Variants in SEPTIN7 observed in about 807,000 individuals in gnomAD.
SEPTIN7 encodes the protein septin 7.
In SEPTIN7, 10 loss-of-function variants were observed where a neutral mutation model predicts 63.3. The ratio of observed to expected loss-of-function variants is 0.16; its 90% CI spans 0.10 to 0.27. The LOEUF is 0.27. Among genes scored for constraint, SEPTIN7 ranks in the 10% least tolerant of loss-of-function variants. SEPTIN7 has a pLI of 1.00. For missense variants in SEPTIN7, 310 were observed against 521.0 expected (o/e 0.59, Z 3.94); for synonymous variants, 131 against 165.3 (o/e 0.79, Z 1.59).
rs994512115 is a variant in SEPTIN7, at chr7:35,829,724, G to A, written c.62-1768G>A. Among the ~76,000 whole-genome samples the A allele has an allele frequency of 3.3e-5, 5 of 152,228 alleles. No homozygotes were observed. In the East Asian group the frequency reaches 5.8e-4, roughly 18 times the overall value. The stretch of plus-strand genomic sequence containing the variant: ...TCTGCGTTGATGGAGCTTACATTGC[G>A]GGCAGGGTGGAGGTCACAGTAAACA... On this transcript the variant is annotated intron_variant, in intron 1 of 13. Coordinates refer to ENST00000350320, the MANE Select transcript of SEPTIN7 (RefSeq NM_001788.6).
At chr7:35,829,684 G>A (rs746975633) in intron 1 of SEPTIN7, among the ~76,000 whole-genome samples, 10 of 152,156 alleles carry the variant, frequency 6.6e-5, no homozygotes, top group Non-Finnish European at 1.5e-4. Flanking sequence ...TACCATTTAT[G>A]TAATTCATTC....
intron 4 of SEPTIN7, among the ~76,000 whole-genome samples, chr7:35,869,791 TATACATAGATG>T (rs1270773465): frequency 6.6e-6 from 1 of 152,140 alleles, no homozygotes; most frequent in Non-Finnish European, 1.5e-5. Flanking sequence ...ATAGATGAAT[TATACATAGATG>T]ATACATGGAC....
At chr7:35,801,428 A>T in intron 1 of SEPTIN7, 158 bp downstream of exon 1, 1 of 485,232 alleles carries the variant, frequency 2.1e-6, no homozygotes, top group Non-Finnish European at 2.7e-6. Context: ...GGGGCGCGGC[A>T]GCGGCGGGCT....
the SEPTIN7 span, among the ~76,000 whole-genome samples, chr7:35,915,628 T>G: frequency 6.6e-6 from 1 of 152,220 alleles, no homozygotes; most frequent in Non-Finnish European, 1.5e-5. Flanking sequence ...AAACTCATTT[T>G]GTTTGCTCTC....
At chr7:35,835,303 G>A (rs1784024831) in intron 3 of SEPTIN7, among the ~76,000 whole-genome samples, 1 of 152,162 alleles carries the variant, frequency 6.6e-6, no homozygotes, top group Admixed American at 6.5e-5. Context: ...AAGATTGAAG[G>A]AGCAGTCCTG....
intron 9 of SEPTIN7, among the ~76,000 whole-genome samples, chr7:35,884,283 G>A (rs2392387): frequency 0.52 from 78,551 of 151,950 alleles, 22,004 homozygotes; most frequent in Admixed American, 0.63. Context: ...AACGTTTTGA[G>A]CACTGACATG....
intron 3 of SEPTIN7, among the ~76,000 whole-genome samples, chr7:35,841,408 A>T (rs183950429): frequency 6.6e-6 from 1 of 152,240 alleles, no homozygotes; most frequent in African/African-American, 2.4e-5. Context: ...CTTCTCATAC[A>T]TATACTATCC....
chr7:35,898,417 A>G, intron 12 of SEPTIN7, 34 bp downstream of exon 12: 1 of 1,375,100 alleles, frequency 7.3e-7, no homozygotes, highest in South Asian at 1.4e-5. Context: ...CTTAGCAGAC[A>G]TTGTGTTCCT....
At chr7:35,855,468 G>A (rs1785159561) in intron 3 of SEPTIN7, among the ~76,000 whole-genome samples, 1 of 152,276 alleles carries the variant, frequency 6.6e-6, no homozygotes, top group Admixed American at 6.5e-5. Flanking sequence ...CTTCAGAAAA[G>A]CTGTAGCAGT....
intron 3 of SEPTIN7, among the ~76,000 whole-genome samples, chr7:35,859,322 A>C (rs753329924): frequency 6.6e-6 from 1 of 151,966 alleles, no homozygotes; most frequent in Non-Finnish European, 1.5e-5. Context: ...GTTTCCCTCC[A>C]TTACTGATTT....
chr7:35,912,229 A>G, the SEPTIN7 span, among the ~76,000 whole-genome samples: 3 of 152,244 alleles, frequency 2.0e-5, no homozygotes, highest in African/African-American at 7.2e-5. Context: ...CCACGCTGGA[A>G]GGTTGTGGGT....
intron 1 of SEPTIN7, among the ~76,000 whole-genome samples, chr7:35,801,851 GC>G: frequency 6.6e-6 from 1 of 152,168 alleles, no homozygotes; most frequent in East Asian, 1.9e-4. Context: ...GGCGGCGGCG[GC>G]TGCAGCCGCA....
chr7:35,877,734 CT>C (rs1786561023), intron 6 of SEPTIN7, among the ~76,000 whole-genome samples: 1 of 152,126 alleles, frequency 6.6e-6, no homozygotes, highest in African/African-American at 2.4e-5. Flanking sequence ...CAGCAGCTTA[CT>C]TTTTTTGTCA....
intron 1 of SEPTIN7, chr7:35,812,015 T>C: frequency 4.9e-6 from 1 of 203,956 alleles, no homozygotes; most frequent in Non-Finnish European, 1.1e-5. Context: ...TAATCCCAGT[T>C]ACTCAGGAGG....
At chr7:35,804,489 A>G (rs540037593) in intron 1 of SEPTIN7, among the ~76,000 whole-genome samples, 3 of 152,238 alleles carry the variant, frequency 2.0e-5, no homozygotes, top group Non-Finnish European at 4.4e-5. Context: ...CAGTCCAGCT[A>G]TCCAGATGTA....
intron 12 of SEPTIN7, 116 bp from the exon 13 acceptor site, chr7:35,902,960 C>G (rs1788410252): frequency 7.6e-7 from 1 of 1,322,672 alleles, no homozygotes; most frequent in Non-Finnish European, 9.8e-7. Context: ...TCTGAATTTA[C>G]AACAGGGCTA....
intron 2 of SEPTIN7, 193 bp from the exon 3 acceptor site, chr7:35,832,605 G>A (rs1287684358): frequency 4.1e-6 from 2 of 489,932 alleles, no homozygotes; most frequent in East Asian, 7.9e-5. Flanking sequence ...CCATTATATT[G>A]TCAGTCAACT....
At chr7:35,874,855 C>G (rs1271988025) in intron 6 of SEPTIN7, among the ~76,000 whole-genome samples, 1 of 152,078 alleles carries the variant, frequency 6.6e-6, no homozygotes, top group Non-Finnish European at 1.5e-5. Flanking sequence ...CTGACTCTGA[C>G]TTAAAAGGCT....
At chr7:35,821,765 A>T (rs75547340) in intron 1 of SEPTIN7, among the ~76,000 whole-genome samples, 2,661 of 152,206 alleles carry the variant, frequency 0.017, 77 homozygotes, top group African/African-American at 0.061. Context: ...ACTGGGCACT[A>T]GTACTCACTT....
Sources: allele counts gnomAD v4.1 joint callset (sites outside exome capture counted in the v4.1 genomes callset), GRCh38; gene constraint gnomAD v4.1.1; transcripts MANE v1.5; gene names NCBI Gene and HGNC (gene_info 2026-07-23, HGNC 2026-07-21).